Variants in PTPRD observed in about 807,000 individuals in gnomAD.
PTPRD encodes protein tyrosine phosphatase receptor type D, also known as receptor-type tyrosine-protein phosphatase delta.
PTPRD carries 34 observed loss-of-function variants against 214.5 expected under a neutral mutation model. That is an observed-to-expected ratio of 0.16 (90% CI 0.12 to 0.21). The LOEUF (loss-of-function observed/expected upper bound fraction) is 0.21, where lower values mean the gene tolerates loss of function less well. PTPRD is among the 10% of genes least tolerant of loss of function. The pLI is 1.00. For missense variants in PTPRD, 2,545 were observed against 2,398.7 expected (o/e 1.06, Z -1.27); for synonymous variants, 1,128 against 845.7 (o/e 1.33, Z -5.79).
intron 10 of PTPRD, among the ~76,000 whole-genome samples, chr9:9,030,698 T>C (rs1323327635): frequency 2.6e-5 from 4 of 151,952 alleles, no homozygotes; most frequent in Non-Finnish European, 5.9e-5. Flanking sequence ...TTTTTATCCA[T>C]TGTTTTTCTG....
intron 3 of PTPRD, among the ~76,000 whole-genome samples, chr9:10,136,204 C>T (rs557209536): frequency 1.3e-5 from 2 of 152,062 alleles, no homozygotes; most frequent in South Asian, 4.2e-4. Context: ...AATACATATG[C>T]AATGCAACAT....
intron 9 of PTPRD, among the ~76,000 whole-genome samples, chr9:9,254,046 C>T (rs55703305): frequency 1.3e-5 from 2 of 152,166 alleles, no homozygotes; most frequent in Non-Finnish European, 2.9e-5. Context: ...TATAAGGATA[C>T]CTATCATTGG....
chr9:8,969,069 A>G (rs2099219174), intron 11 of PTPRD, among the ~76,000 whole-genome samples: 1 of 152,074 alleles, frequency 6.6e-6, no homozygotes, highest in Admixed American at 6.6e-5. Flanking sequence ...GACATTTAAT[A>G]AACAAAAGGA....
At chr9:9,416,133 C>T (rs932691890) in intron 8 of PTPRD, among the ~76,000 whole-genome samples, 1 of 152,140 alleles carries the variant, frequency 6.6e-6, no homozygotes, top group Non-Finnish European at 1.5e-5. Flanking sequence ...TGCTTCTGTC[C>T]TACTTCCAGC....
At chr9:9,404,396 A>C (rs972653720) in intron 8 of PTPRD, among the ~76,000 whole-genome samples, 12 of 152,138 alleles carry the variant, frequency 7.9e-5, no homozygotes, top group African/African-American at 2.7e-4. Context: ...AGATTGGTAT[A>C]GATCTGGAAT....
chr9:9,134,381 T>C (rs1423184341), intron 10 of PTPRD, among the ~76,000 whole-genome samples: 1 of 152,148 alleles, frequency 6.6e-6, no homozygotes, highest in Non-Finnish European at 1.5e-5. Flanking sequence ...AGAATCATTC[T>C]TGACTCTCTT....
intron 10 of PTPRD, among the ~76,000 whole-genome samples, chr9:9,146,255 A>T (rs550801084): frequency 1.1e-4 from 16 of 150,344 alleles, no homozygotes; most frequent in African/African-American, 3.9e-4. Context: ...TAAATTTGTT[A>T]TTTTTTTTTT....
chr9:9,990,236 A>G (rs556143763), intron 4 of PTPRD, among the ~76,000 whole-genome samples: 3 of 152,272 alleles, frequency 2.0e-5, no homozygotes, highest in South Asian at 4.1e-4. Flanking sequence ...AGGTTTTCCT[A>G]TGGTATCTTT....
chr9:9,063,459 T>C (rs1164350530), intron 10 of PTPRD, among the ~76,000 whole-genome samples: 1 of 152,190 alleles, frequency 6.6e-6, no homozygotes, highest in Non-Finnish European at 1.5e-5. Context: ...GCTTCCCTTA[T>C]CCTATCAAAG....
chr9:9,815,498 G>C (rs1343691733), intron 5 of PTPRD, among the ~76,000 whole-genome samples: 1 of 151,768 alleles, frequency 6.6e-6, no homozygotes. Context: ...GTCAACAAAA[G>C]CAAAAATAAA....
intron 2 of PTPRD, among the ~76,000 whole-genome samples, chr9:10,607,527 CT>C (rs1480534664): frequency 1.3e-5 from 2 of 151,726 alleles, no homozygotes; most frequent in Non-Finnish European, 2.9e-5. Flanking sequence ...AATTAATCAG[CT>C]ATATTGGCTA....
At chr9:8,452,324 G>T (rs994124452) in intron 33 of PTPRD, among the ~76,000 whole-genome samples, 1 of 152,168 alleles carries the variant, frequency 6.6e-6, no homozygotes, top group African/African-American at 2.4e-5. Flanking sequence ...TATGTGATGT[G>T]CTAGAATGAT....
At chr9:8,722,181 C>G (rs1399885400) in intron 12 of PTPRD, among the ~76,000 whole-genome samples, 1 of 141,908 alleles carries the variant, frequency 7.0e-6, no homozygotes, top group East Asian at 2.1e-4. Flanking sequence ...AGAGAAAGAA[C>G]AGAATGAAAA....
At chr9:8,676,908 C>T (rs772931006) in intron 12 of PTPRD, among the ~76,000 whole-genome samples, 4 of 151,980 alleles carry the variant, frequency 2.6e-5, no homozygotes, top group African/African-American at 4.8e-5. Context: ...GTTAAAAAAA[C>T]GGAGTGCTTG....
chr9:10,467,008 C>T (rs372146487), intron 2 of PTPRD, among the ~76,000 whole-genome samples: 6 of 152,200 alleles, frequency 3.9e-5, no homozygotes, highest in Middle Eastern at 3.4e-3. Context: ...TAGAGTTCCC[C>T]GGGAACCACA....
intron 37 of PTPRD, among the ~76,000 whole-genome samples, chr9:8,382,460 G>C (rs1364958047): frequency 6.6e-6 from 1 of 152,174 alleles, no homozygotes; most frequent in Admixed American, 6.6e-5. Context: ...AGGTCATCAG[G>C]ACTCTAACTG....
intron 3 of PTPRD, among the ~76,000 whole-genome samples, chr9:10,120,403 G>C (rs1201383409): frequency 6.6e-6 from 1 of 151,912 alleles, no homozygotes; most frequent in Non-Finnish European, 1.5e-5. Flanking sequence ...CATTGGTGAG[G>C]AAACTGAGAA....
chr9:8,687,133 T>C (rs967656753), intron 12 of PTPRD, among the ~76,000 whole-genome samples: 7 of 152,172 alleles, frequency 4.6e-5, no homozygotes, highest in African/African-American at 1.7e-4. Context: ...TCCTAAAAAA[T>C]ATTCCACATA....
At position 9,250,810 on chromosome 9, in the gene PTPRD, G is replaced by T. The variant is rs769095289; in HGVS notation, c.-202-67447C>A. Among the ~76,000 whole-genome samples the T allele has an allele frequency of 5.3e-5, 8 of 151,966 alleles. 1 individual carries two copies. Among genetic ancestry groups the T allele is most frequent in the Non-Finnish European group, 1.0e-4 (7 of 67,982 alleles). On this transcript the variant is annotated intron_variant, in intron 9 of 45. Transcript: ENST00000381196. ...AATATATTATTGGTGAAAAAAATGA[G>T]TCCCAACAAATTTGTTTTCCTGTGC...
Sources: allele counts gnomAD v4.1 joint callset (sites outside exome capture counted in the v4.1 genomes callset), GRCh38; gene constraint gnomAD v4.1.1; transcripts MANE v1.5; gene names NCBI Gene and HGNC (gene_info 2026-07-23, HGNC 2026-07-21).